SNX29: variants seen among roughly 807,000 people sequenced by gnomAD.
SNX29 encodes sorting nexin-29.
Under a neutral mutation model 102.1 loss-of-function variants are expected in SNX29, and 78 were observed. That is an observed-to-expected ratio of 0.76 (90% CI 0.64 to 0.92). The LOEUF is 0.92. Ranked by LOEUF, SNX29 falls within the 40% of genes least tolerant of loss-of-function variation. The pLI, the probability that SNX29 is intolerant of heterozygous loss-of-function variation, is 0.00. For synonymous variants in SNX29, 580 were observed against 414.5 expected (o/e 1.40, Z -4.85); for missense variants, 1,280 against 1,061.7 (o/e 1.21, Z -2.86).
chr16:12,555,500 C>G (rs1025771489), intron 20 of SNX29, among the ~76,000 whole-genome samples: 1 of 151,572 alleles, frequency 6.6e-6, no homozygotes, highest in African/African-American at 2.4e-5. Context: ...TGGGGAGTCA[C>G]GCAGGGATTG....
chr16:12,434,667 C>A (rs1031431483), intron 18 of SNX29, among the ~76,000 whole-genome samples: 3 of 152,174 alleles, frequency 2.0e-5, no homozygotes, highest in Non-Finnish European at 2.9e-5. Context: ...AACACCCCTG[C>A]ACAACGGCTG....
intron 11 of SNX29, among the ~76,000 whole-genome samples, chr16:12,079,513 TA>T (rs113424529): frequency 0.22 from 33,142 of 149,336 alleles, 4,094 homozygotes; most frequent in African/African-American, 0.35. Context: ...TGTTCCCAAT[TA>T]AAAAAAAAAA....
chr16:12,538,312 G>A (rs1357456496), intron 20 of SNX29, among the ~76,000 whole-genome samples: 7 of 152,040 alleles, frequency 4.6e-5, no homozygotes, highest in Non-Finnish European at 1.0e-4. Context: ...AGTAGAGAGG[G>A]GGTTTCACCA....
At chr16:12,160,956 T>C (rs767519797) in intron 13 of SNX29, among the ~76,000 whole-genome samples, 5 of 152,228 alleles carry the variant, frequency 3.3e-5, no homozygotes, top group Non-Finnish European at 5.9e-5. Context: ...ACTGTATGTG[T>C]GATTTCGAGA....
At chr16:12,566,362 C>G (rs1324727007) in intron 20 of SNX29, among the ~76,000 whole-genome samples, 1 of 152,174 alleles carries the variant, frequency 6.6e-6, no homozygotes, top group Non-Finnish European at 1.5e-5. Flanking sequence ...GCTACCTCTC[C>G]TCTCCCAACC....
intron 14 of SNX29, among the ~76,000 whole-genome samples, chr16:12,243,160 C>T (rs1210192869): frequency 6.6e-6 from 1 of 152,248 alleles, no homozygotes; most frequent in Non-Finnish European, 1.5e-5. Flanking sequence ...TCAGTGCAGG[C>T]CTGGCATCTC....
chr16:12,537,069 G>A (rs568575007), intron 20 of SNX29, among the ~76,000 whole-genome samples: 35 of 152,326 alleles, frequency 2.3e-4, no homozygotes, highest in Non-Finnish European at 2.9e-4. Flanking sequence ...AGGAGACGAT[G>A]TAGATTTATC....
intron 11 of SNX29, among the ~76,000 whole-genome samples, chr16:12,116,305 T>C (rs776402781): frequency 4.6e-5 from 7 of 152,220 alleles, no homozygotes; most frequent in Non-Finnish European, 1.0e-4. Flanking sequence ...CAGCTCAGTA[T>C]AAATGTCCAT....
At chr16:12,385,937 C>G (rs2083325577) in intron 16 of SNX29, among the ~76,000 whole-genome samples, 1 of 152,222 alleles carries the variant, frequency 6.6e-6, no homozygotes, top group African/African-American at 2.4e-5. Flanking sequence ...GGGGTGAGGA[C>G]TGAGGGACAC....
rs75976008 is a variant in SNX29 at position 12,085,847 on chromosome 16, T to C, written c.1402+6932T>C. ...TATTATTCTCTTTTGTATAAGAAAA[T>C]GAGGCTTAGGAGGGTAAGTACCTGC... On this transcript the variant is annotated intron_variant, in intron 11 of 20. Coordinates refer to ENST00000566228, the MANE Select transcript of SNX29 (RefSeq NM_032167.5). Among the ~76,000 whole-genome samples, 778 of 152,268 alleles carry C rather than the reference T, an allele frequency of 5.1e-3. 9 individuals carry two copies. The highest frequency in any genetic ancestry group is 0.018 in the African/African-American group (746 of 41,546).
At chr16:12,408,157 C>G in intron 18 of SNX29, among the ~76,000 whole-genome samples, 1 of 143,000 alleles carries the variant, frequency 7.0e-6, no homozygotes, top group Admixed American at 6.8e-5. Context: ...GGACCCTTCT[C>G]AAAAAAACAA....
At chr16:12,062,718 T>G (rs997990938) in intron 9 of SNX29, among the ~76,000 whole-genome samples, 1 of 152,156 alleles carries the variant, frequency 6.6e-6, no homozygotes, top group Admixed American at 6.5e-5. Flanking sequence ...TTTAGGAAAT[T>G]ATGACTGGAG....
At chr16:12,501,958 C>T (rs1026581258) in intron 19 of SNX29, among the ~76,000 whole-genome samples, 4 of 152,074 alleles carry the variant, frequency 2.6e-5, no homozygotes, top group African/African-American at 9.7e-5. Flanking sequence ...GACATGCAGG[C>T]CTGCACCAGG....
At chr16:12,077,140 G>A (rs1028758096) in intron 10 of SNX29, among the ~76,000 whole-genome samples, 24 of 152,088 alleles carry the variant, frequency 1.6e-4, no homozygotes, top group Non-Finnish European at 5.9e-5. Context: ...TTATCCAGAT[G>A]TGGTGGTGCA....
chr16:12,012,965 C>T (rs1279307467), intron 3 of SNX29, among the ~76,000 whole-genome samples: 1 of 148,954 alleles, frequency 6.7e-6, no homozygotes, highest in Non-Finnish European at 1.5e-5. Flanking sequence ...GTCACATTTG[C>T]ATTTCAGGTA....
chr16:12,483,528 G>T (rs1436050510), intron 19 of SNX29, among the ~76,000 whole-genome samples: 1 of 151,796 alleles, frequency 6.6e-6, no homozygotes, highest in East Asian at 1.9e-4. Flanking sequence ...TGTTGGTCAG[G>T]CTGGTCTCGA....
intron 15 of SNX29, among the ~76,000 whole-genome samples, chr16:12,312,415 G>A (rs764859769): frequency 6.6e-6 from 1 of 152,186 alleles, no homozygotes; most frequent in Non-Finnish European, 1.5e-5. Flanking sequence ...TTAACTCTGG[G>A]CCATTGGTGA....
intron 14 of SNX29, among the ~76,000 whole-genome samples, chr16:12,236,425 A>AC (rs2077934750): frequency 6.6e-6 from 1 of 152,182 alleles, no homozygotes; most frequent in Admixed American, 6.5e-5. Context: ...TACCACAGCA[A>AC]TGCTGAACTA....
chr16:12,357,906 G>C (rs770066053), intron 16 of SNX29, among the ~76,000 whole-genome samples: 1 of 152,152 alleles, frequency 6.6e-6, no homozygotes, highest in African/African-American at 2.4e-5. Flanking sequence ...AGTGTGATTC[G>C]ATATGCTTCT....
Sources: allele counts gnomAD v4.1 joint callset (sites outside exome capture counted in the v4.1 genomes callset), GRCh38; gene constraint gnomAD v4.1.1; transcripts MANE v1.5; gene names NCBI Gene and HGNC (gene_info 2026-07-23, HGNC 2026-07-21).